The following LRCH1 variants were observed in gnomAD, a reference collection of about 807,000 sequenced individuals.
LRCH1 encodes leucine-rich repeat and calponin homology domain-containing protein 1.
A neutral mutation model predicts 94.9 loss-of-function variants in LRCH1; 23 were observed. The observed-to-expected ratio is 0.24, with a 90% CI of 0.17 to 0.34. The LOEUF is 0.34. Ranked by LOEUF, LRCH1 falls within the 10% of genes least tolerant of loss-of-function variation. The probability of loss-of-function intolerance (pLI) is 1.00; values close to 1 mark genes in which losing one functional copy is unlikely to be tolerated. For missense variants in LRCH1, 790 were observed against 945.9 expected, an observed-to-expected ratio of 0.84 and a Z score of 2.16; for synonymous variants, 364 against 354.9, an observed-to-expected ratio of 1.03 and a Z score of -0.29.
In LRCH1 at chr13:46,605,510, C is replaced by T. The variant is rs185487824; in HGVS notation, c.308-44691C>T. On this transcript the variant is annotated intron_variant, in intron 1 of 19. Coordinates refer to ENST00000389797, the MANE Select transcript of LRCH1 (RefSeq NM_001164211.2). ...TATATGTGCTGAAGATGAGGGCACT[C>T]CTCCTCCTCCTCCTCCTCCTCCTCC... Among the ~76,000 whole-genome samples the T allele has an allele frequency of 9.0e-4, 132 of 146,792 alleles. 1 individual carries two copies. Among genetic ancestry groups the T allele is most frequent in the Admixed American group, 1.6e-3 (24 of 14,950 alleles).
chr13:46,553,242 C>T lies in LRCH1; in HGVS notation c.-155C>T, dbSNP rs1231900534. ...CACGGCCGCCTCCCCGCCCGCCCCCCATTCTACGCGCCTGCCCACACCCTC... is the reference window on the plus strand; with the variant it reads ...CACGGCCGCCTCCCCGCCCGCCCCCTATTCTACGCGCCTGCCCACACCCTC... On this transcript the variant is annotated 5_prime_UTR_variant, in exon 1 of 20. Coordinates refer to ENST00000389797, the MANE Select transcript of LRCH1 (RefSeq NM_001164211.2). 1.4e-4 allele frequency: 79 copies of T among 568,678 alleles called. No homozygotes were observed. The East Asian group carries it at 2.5e-3, about 18-fold the overall frequency. The allele number at this position is 568,678 out of a possible 1,614,324, so 35.2% of individuals were successfully genotyped here.
chr13:46,667,816 C>G (rs2051540052), intron 2 of LRCH1, among the ~76,000 whole-genome samples: 1 of 152,148 alleles, frequency 6.6e-6, no homozygotes, highest in Non-Finnish European at 1.5e-5. Context: ...GAAAATACAT[C>G]AAAGTATAAT....
chr13:46,736,623 T>C (rs939925348), intron 19 of LRCH1, among the ~76,000 whole-genome samples: 1 of 152,200 alleles, frequency 6.6e-6, no homozygotes, highest in African/African-American at 2.4e-5. Flanking sequence ...AGAGGACCTA[T>C]ATCATTACTT....
chr13:46,669,428 G>T (rs995870088), intron 3 of LRCH1, among the ~76,000 whole-genome samples: 1 of 152,160 alleles, frequency 6.6e-6, no homozygotes, highest in Non-Finnish European at 1.5e-5. Context: ...CTATCATGTT[G>T]TAGTTAGTAT....
chr13:46,562,483 C>T (rs915842004), intron 1 of LRCH1, among the ~76,000 whole-genome samples: 1 of 152,130 alleles, frequency 6.6e-6, no homozygotes, highest in African/African-American at 2.4e-5. Context: ...GCCCAAATTT[C>T]CTCTTCTTAT....
At chr13:46,617,633 G>T (rs774846883) in intron 1 of LRCH1, among the ~76,000 whole-genome samples, 9 of 152,182 alleles carry the variant, frequency 5.9e-5, no homozygotes, top group Non-Finnish European at 2.9e-5. Flanking sequence ...AGGGAATTTG[G>T]ATGTCGTTGG....
intron 11 of LRCH1, among the ~76,000 whole-genome samples, chr13:46,701,613 A>G (rs1871478107): frequency 6.6e-6 from 1 of 152,224 alleles, no homozygotes; most frequent in Non-Finnish European, 1.5e-5. Context: ...CTGTATTTAT[A>G]TGGGGTAGTG....
intron 1 of LRCH1, among the ~76,000 whole-genome samples, chr13:46,617,443 T>C (rs1470953061): frequency 2.0e-5 from 3 of 152,204 alleles, no homozygotes; most frequent in Non-Finnish European, 4.4e-5. Context: ...GTTTTTTAAG[T>C]TGGTGCCTGA....
In LRCH1 at chr13:46,712,575, A is replaced by T. The variant is rs146430358; in HGVS notation, c.1632A>T (p.Pro544=). 1.2e-6 allele frequency: 2 copies of T among 1,613,906 alleles called. No individual in the cohort carries two copies. The highest frequency in any genetic ancestry group is 2.2e-5 in the South Asian group (2 of 91,068). The change falls in exon 15 of 20, where the codon CCA becomes CCT. Residue 544 remains proline (P), a synonymous_variant. Coordinates refer to ENST00000389797, the MANE Select transcript of LRCH1 (RefSeq NM_001164211.2). ...AVSPTTNSTA[P]FGLKPRSDPA... ...CTCCTACCACAAACAGCACAGCTCC[A>T]TTTGGCCTGAAGCCTCGATCAGGTA...
At chr13:46,731,562 C>T (rs1033110061) in intron 18 of LRCH1, among the ~76,000 whole-genome samples, 4 of 152,192 alleles carry the variant, frequency 2.6e-5, no homozygotes, top group Non-Finnish European at 4.4e-5. Flanking sequence ...AATTTACTGA[C>T]TATAACATAT....
intron 9 of LRCH1, among the ~76,000 whole-genome samples, chr13:46,696,021 C>T (rs1022613549): frequency 1.3e-4 from 20 of 152,092 alleles, no homozygotes; most frequent in African/African-American, 4.6e-4. Context: ...TGTCATTAAT[C>T]CATACATCCT....
rs145731813 is a variant in LRCH1, at chr13:46,565,766, C to T, written c.307+12063C>T. Among the ~76,000 whole-genome samples the T allele has an allele frequency of 3.6e-3, 547 of 151,060 alleles. 2 individuals are homozygous for T. Among genetic ancestry groups the T allele is most frequent in the African/African-American group, 0.013 (517 of 41,234 alleles). On this transcript the variant is annotated intron_variant, in intron 1 of 19. Transcript: ENST00000389797. ...CGGAGGTTGCAGTGAGCTGAGATCA[C>T]GCCATTGCACTCCAGCCTGGGTGAC...
Position 46,555,440 on chromosome 13 carries a change from A to G in LRCH1, c.307+1737A>G, listed in dbSNP as rs551051909. ...TTATTTACAAAGTTAGGTGAACTTG[A>G]TGTGTCTGCTGTGTTGGCATTTCTT... On this transcript the variant is annotated intron_variant, in intron 1 of 19. Transcript: ENST00000389797. 1.3e-4 allele frequency among the ~76,000 whole-genome samples: 20 copies of G among 152,288 alleles called. No individual in the cohort carries two copies. The South Asian group carries it at 1.7e-3, about 13-fold the overall frequency.
intron 2 of LRCH1, among the ~76,000 whole-genome samples, chr13:46,652,779 A>G (rs1024279389): frequency 1.4e-4 from 22 of 152,182 alleles, no homozygotes; most frequent in Admixed American, 1.3e-3. Flanking sequence ...CAGTAAGTCT[A>G]TATATTTAAC....
chr13:46,686,198 T>A (rs1014475250), intron 5 of LRCH1, among the ~76,000 whole-genome samples, 157 bp downstream of exon 5: 1 of 152,198 alleles, frequency 6.6e-6, no homozygotes. Flanking sequence ...TTTATTAACA[T>A]GTACGTGGAA....
chr13:46,604,030 C>T (rs560314202), intron 1 of LRCH1, among the ~76,000 whole-genome samples: 26 of 152,212 alleles, frequency 1.7e-4, no homozygotes, highest in African/African-American at 6.3e-4. Flanking sequence ...TAATTTTTCT[C>T]CTTGTATTAT....
intron 1 of LRCH1, among the ~76,000 whole-genome samples, chr13:46,567,948 A>G (rs1467254997): frequency 6.6e-6 from 1 of 152,194 alleles, no homozygotes. Flanking sequence ...AAGTCCTTTC[A>G]TAATCAGGCA....
At position 46,707,010 on chromosome 13, in the gene LRCH1, T is replaced by A. The variant is rs557832363; in HGVS notation, c.1527+1706T>A. Among the ~76,000 whole-genome samples the A allele has an allele frequency of 2.9e-3, 438 of 152,324 alleles. 3 individuals are homozygous for A. Among genetic ancestry groups the A allele is most frequent in the African/African-American group, 0.01 (426 of 41,590 alleles). ...ATGGATTTTTATCTTACACAATCAA[T>A]TTCAGTTATCATCTTCATAAATTCA... On this transcript the variant is annotated intron_variant, in intron 13 of 19. Coordinates refer to ENST00000389797, the MANE Select transcript of LRCH1 (RefSeq NM_001164211.2).
intron 1 of LRCH1, among the ~76,000 whole-genome samples, chr13:46,635,764 C>T (rs989864055): frequency 6.7e-6 from 1 of 148,464 alleles, no homozygotes; most frequent in Admixed American, 6.7e-5. Context: ...AGCCACCGCA[C>T]CCGGCCCCCT....
Sources: gnomAD v4.1 joint callset for allele counts (sites outside exome capture counted in the v4.1 genomes callset) on GRCh38, gnomAD v4.1.1 for gene constraint, MANE v1.5 for transcripts, NCBI Gene and HGNC (gene_info 2026-07-23, HGNC 2026-07-21) for gene names.